Variants in PPP3CA observed in about 807,000 individuals in gnomAD.
PPP3CA encodes CAM-PRP catalytic subunit.
Under a neutral mutation model 66.5 loss-of-function variants are expected in PPP3CA, and 14 were observed. The ratio of observed to expected loss-of-function variants is 0.21; its 90% CI spans 0.14 to 0.33. The LOEUF is 0.33. Ranked by LOEUF, PPP3CA falls within the 10% of genes least tolerant of loss-of-function variation. The pLI is 1.00. For synonymous variants in PPP3CA, 232 were observed against 226.2 expected (o/e 1.03, Z -0.23); for missense variants, 317 against 639.5 (o/e 0.50, Z 5.44).
intron 1 of PPP3CA, among the ~76,000 whole-genome samples, chr4:101,257,011 G>A (rs1726864328): frequency 6.6e-6 from 1 of 151,970 alleles, no homozygotes; most frequent in South Asian, 2.1e-4. Context: ...TAGGGAAGGG[G>A]TGGGATTAGA....
chr4:101,148,703 C>T (rs886665064), intron 2 of PPP3CA, among the ~76,000 whole-genome samples: 1 of 152,106 alleles, frequency 6.6e-6, no homozygotes, highest in African/African-American at 2.4e-5. Context: ...GGTGCCTGAG[C>T]ATGTCTTTTA....
chr4:101,285,161 G>A (rs187214067), intron 1 of PPP3CA, among the ~76,000 whole-genome samples: 1 of 151,854 alleles, frequency 6.6e-6, no homozygotes, highest in Admixed American at 6.5e-5. Context: ...CGTCCACACA[G>A]CACCGAGATT....
intron 2 of PPP3CA, among the ~76,000 whole-genome samples, chr4:101,144,316 G>A (rs1371151884): frequency 6.6e-6 from 1 of 152,140 alleles, no homozygotes; most frequent in Non-Finnish European, 1.5e-5. Context: ...CTTATCCTTA[G>A]CATAGGGGAC....
chr4:101,099,624 T>C lies in PPP3CA; in HGVS notation c.483A>G (p.Thr161=), dbSNP rs1267236522. The change falls in exon 4 of 14, where the codon ACA becomes ACG. Residue 161 remains threonine, a synonymous_variant. Coordinates refer to ENST00000394854, the MANE Select transcript of PPP3CA (RefSeq NM_000944.5). ...AAGTATACTTACATTCTTGTTTAAA[T>C]GTGAAATACTCTGTTAGATGTCTAC... ...HECRHLTEYF[T]FKQECKIKYS... 2 of 1,571,056 alleles carry C rather than the reference T, an allele frequency of 1.3e-6. No individual in the cohort carries two copies. The highest frequency in any genetic ancestry group is 1.7e-6 in the Non-Finnish European group (2 of 1,153,044).
At chr4:101,302,308 C>T (rs1728404965) in intron 1 of PPP3CA, among the ~76,000 whole-genome samples, 1 of 152,172 alleles carries the variant, frequency 6.6e-6, no homozygotes, top group South Asian at 2.1e-4. Context: ...GCTGATGCAT[C>T]CTCATCTTCA....
intron 2 of PPP3CA, among the ~76,000 whole-genome samples, chr4:101,189,699 A>C (rs1186831729): frequency 6.6e-6 from 1 of 151,212 alleles, no homozygotes; most frequent in Non-Finnish European, 1.5e-5. Context: ...AAAAAAAAAA[A>C]AAAAACAAAA....
chr4:101,306,894 G>C (rs1290952384), intron 1 of PPP3CA, among the ~76,000 whole-genome samples: 1 of 152,050 alleles, frequency 6.6e-6, no homozygotes, highest in African/African-American at 2.4e-5. Flanking sequence ...GCACAGAATA[G>C]GCAAGACAAA....
chr4:101,333,154 G>A (rs547683440), intron 1 of PPP3CA, among the ~76,000 whole-genome samples: 70 of 144,940 alleles, frequency 4.8e-4, no homozygotes, highest in Admixed American at 2.6e-3. Context: ...ACCCAGGATG[G>A]AATGTAACGG....
chr4:101,320,504 A>G (rs1729009666), intron 1 of PPP3CA, among the ~76,000 whole-genome samples: 1 of 151,532 alleles, frequency 6.6e-6, no homozygotes, highest in Non-Finnish European at 1.5e-5. Flanking sequence ...ACACACACAC[A>G]CACACACATA....
chr4:101,054,957 T>C (rs1055489213), intron 10 of PPP3CA, among the ~76,000 whole-genome samples: 2 of 152,104 alleles, frequency 1.3e-5, no homozygotes, highest in African/African-American at 4.8e-5. Context: ...GCTTGAAATG[T>C]ATTCACTTTA....
Position 101,053,522 on chromosome 4 carries a change from C to T in PPP3CA, c.1156+7565G>A, listed in dbSNP as rs1312657681. Among the ~76,000 whole-genome samples, 3 of 152,072 alleles carry T rather than the reference C, an allele frequency of 2.0e-5. No homozygotes were observed. In the East Asian group the frequency reaches 5.8e-4, roughly 29 times the overall value. ...TTATTCTAAGTCAGCAACTTGGAGG[C>T]CTATTTCACTCTTAATAAATTCAGT... On this transcript the variant is annotated intron_variant, in intron 10 of 13. Transcript: ENST00000394854.
At position 101,347,018 on chromosome 4, in the gene PPP3CA, C is replaced by G; in HGVS notation, c.-222G>C. ...CTTCACTCCTCCTCCGCCGCTGCCG[C>G]CAGCCCCGCCGACTCGCTCCGGGCT... On this transcript the variant is annotated 5_prime_UTR_variant, in exon 1 of 14. Coordinates refer to ENST00000394854, the MANE Select transcript of PPP3CA (RefSeq NM_000944.5). 1.7e-6 allele frequency: 1 copy of G among 597,892 alleles called. No homozygotes were observed. Among genetic ancestry groups the G allele is most frequent in the Non-Finnish European group, 2.9e-6 (1 of 342,640 alleles). 37.0% of individuals were successfully genotyped at this position (597,892 alleles called of 1,614,324 possible). A position where few individuals can be genotyped will look rare whatever the true frequency, so the allele number is the denominator to read the frequency against.
At chr4:101,340,986 A>G (rs1020348091) in intron 1 of PPP3CA, among the ~76,000 whole-genome samples, 1 of 152,302 alleles carries the variant, frequency 6.6e-6, no homozygotes, top group Non-Finnish European at 1.5e-5. Flanking sequence ...ACAGAAAGCA[A>G]TGTTTAACAG....
At chr4:101,325,837 T>C (rs1445120328) in intron 1 of PPP3CA, among the ~76,000 whole-genome samples, 1 of 152,204 alleles carries the variant, frequency 6.6e-6, no homozygotes, top group Non-Finnish European at 1.5e-5. Context: ...TAACATGATG[T>C]CTGGGATCGG....
intron 2 of PPP3CA, among the ~76,000 whole-genome samples, chr4:101,122,187 G>A (rs1270976360): frequency 6.6e-6 from 1 of 152,100 alleles, no homozygotes; most frequent in Non-Finnish European, 1.5e-5. Flanking sequence ...TCTCAGCAAT[G>A]CTAAGTCATC....
intron 1 of PPP3CA, among the ~76,000 whole-genome samples, chr4:101,309,249 A>G (rs1321394251): frequency 6.6e-6 from 1 of 152,200 alleles, no homozygotes; most frequent in Non-Finnish European, 1.5e-5. Flanking sequence ...GAAAGGAAAC[A>G]AAACGATACT....
intron 10 of PPP3CA, among the ~76,000 whole-genome samples, chr4:101,041,504 G>A (rs566947699): frequency 2.1e-5 from 3 of 141,176 alleles, no homozygotes; most frequent in Non-Finnish European, 3.0e-5. Context: ...GTGCGATTTC[G>A]GCTCACTGCA....
chr4:101,341,465 A>T (rs1333997449), intron 1 of PPP3CA, among the ~76,000 whole-genome samples: 1 of 152,182 alleles, frequency 6.6e-6, no homozygotes, highest in Non-Finnish European at 1.5e-5. Flanking sequence ...GACCCAAGGC[A>T]CTCATGGCTT....
At chr4:101,184,839 G>A (rs1724357975) in intron 2 of PPP3CA, among the ~76,000 whole-genome samples, 1 of 152,086 alleles carries the variant, frequency 6.6e-6, no homozygotes, top group South Asian at 2.1e-4. Context: ...CTTGGAGTTA[G>A]AAGGGAAGGG....
Sources: gnomAD v4.1 joint callset for allele counts (sites outside exome capture counted in the v4.1 genomes callset) on GRCh38, gnomAD v4.1.1 for gene constraint, MANE v1.5 for transcripts, NCBI Gene and HGNC (gene_info 2026-07-23, HGNC 2026-07-21) for gene names.